TARBP1: variants seen among roughly 807,000 people sequenced by gnomAD.
TARBP1 encodes the protein tRNA guanosine 2 -O-methyltransferase TARBP1, also known as tRNA (guanosine(18)-2'-O)-methyltransferase TARBP1.
Under a neutral mutation model 178.6 loss-of-function variants are expected in TARBP1, and 144 were observed. The ratio of observed to expected loss-of-function variants is 0.81; its 90% CI spans 0.70 to 0.93. The LOEUF (loss-of-function observed/expected upper bound fraction) is 0.93. Among genes scored for constraint, TARBP1 ranks in the 40% least tolerant of loss-of-function variants. The probability of loss-of-function intolerance (pLI) is 0.00; values close to 1 mark genes in which losing one functional copy is unlikely to be tolerated. For missense variants in TARBP1, 2,067 were observed against 2,011.7 expected (o/e 1.03, Z -0.53); for synonymous variants, 787 against 781.0 (o/e 1.01, Z -0.13).
chr1:234,392,547 T>G lies in TARBP1; in HGVS notation c.4566A>C (p.Lys1522Asn), dbSNP rs1446460086. 6.2e-7 allele frequency: 1 copy of G among 1,613,720 alleles called. No individual in the cohort carries two copies. The highest frequency in any genetic ancestry group is 8.5e-7 in the Non-Finnish European group (1 of 1,179,786). ...AEQWLPLVEV[K>N]PPQLIDYLQQ... is the part of the protein sequence containing the mutation. ...GCAGATAATCAATTAGCTGAGGTGG[T>G]TTTACCTGAATATTAGTTTAAAAAG... Residue 1522 changes from lysine to asparagine, a missense_variant, in exon 29 of 30, where the codon AAA (lysine) becomes AAC (asparagine). Coordinates refer to ENST00000040877, the MANE Select transcript of TARBP1 (RefSeq NM_005646.4).
chr1:234,408,903 C>T (rs1323058524), intron 23 of TARBP1, among the ~76,000 whole-genome samples: 2 of 152,168 alleles, frequency 1.3e-5, no homozygotes, highest in African/African-American at 2.4e-5. Context: ...GTGTAGGCGG[C>T]GGAAGAGGTG....
In TARBP1 at chr1:234,393,377, C is replaced by T. The variant is rs1032835434; in HGVS notation, c.4545G>A (p.Trp1515Ter). 6.4e-7 allele frequency: 1 copy of T among 1,566,558 alleles called. No homozygotes were observed. The highest frequency in any genetic ancestry group is 1.2e-5 in the South Asian group (1 of 84,000). ...TTCCACCCACCTCCACTAGAGGAAG[C>T]CACTGTTCTGCAGAGACACTGAGGT... ...FQHLSVSAEQ[W>*]LPLVEVKPPQ... is the part of the protein sequence containing the mutation. Residue 1515 changes from tryptophan to a stop codon, truncating the protein, a stop_gained, in exon 28 of 30, where the codon TGG (tryptophan) becomes TGA (stop). Coordinates refer to ENST00000040877, the MANE Select transcript of TARBP1 (RefSeq NM_005646.4). LOFTEE classifies it high-confidence loss of function.
At position 234,478,489 on chromosome 1, in the gene TARBP1, C is replaced by G. The variant is rs1467277028; in HGVS notation, c.615G>C (p.Ala205=). The change falls in exon 1 of 30, where the codon GCG becomes GCC. Residue 205 remains alanine (A), a synonymous_variant. Coordinates refer to ENST00000040877, the MANE Select transcript of TARBP1 (RefSeq NM_005646.4). The part of the protein sequence containing the change: ...LLPVLVQCGG[A]ALRAVWGGLA... ...GCCCGCCCCACACGGCCCGCAGCGC[C>G]GCCCCGCCACATTGGACCAGCACTG... The G allele has an allele frequency of 2.1e-5, 29 of 1,384,402 alleles. No homozygotes were observed. The highest frequency in any genetic ancestry group is 2.8e-5 in the Admixed American group (1 of 35,672). The allele number at this position is 1,384,402 out of a possible 1,614,324, so 85.8% of individuals were successfully genotyped here.
At chr1:234,435,698 G>GTT (rs1035493133) in intron 13 of TARBP1, among the ~76,000 whole-genome samples, 1 of 152,174 alleles carries the variant, frequency 6.6e-6, no homozygotes, top group African/African-American at 2.4e-5. Flanking sequence ...AGCATATAGC[G>GTT]TAAGTCCATA....
intron 12 of TARBP1, 122 bp downstream of exon 12, chr1:234,446,681 A>G (rs1159548644): frequency 4.7e-6 from 2 of 424,270 alleles, no homozygotes; most frequent in Non-Finnish European, 3.5e-6. Context: ...TTAAATATAT[A>G]TAATTTCTAA....
intron 2 of TARBP1, 135 bp downstream of exon 2, chr1:234,472,579 A>G: frequency 3.4e-6 from 2 of 583,754 alleles, no homozygotes; most frequent in Non-Finnish European, 2.9e-6. Context: ...TTTATGCCAG[A>G]CAACAAAGTA....
chr1:234,465,069 CGGATGGATGGAT>C lies in TARBP1; in HGVS notation c.1301+575_1301+586del, dbSNP rs34607418. On this transcript the variant is annotated intron_variant, in intron 5 of 29. Transcript: ENST00000040877. ...TTCTTAATATGGATGGATGGATGAACGGATGGATGGATGGATGGATGGATGGATGGATGGCGG... is the reference window on the plus strand; with the variant it reads ...TTCTTAATATGGATGGATGGATGAACGGATGGATGGATGGATGGATGGCGG... Among the ~76,000 whole-genome samples, 83 of 150,772 alleles carry C rather than the reference CGGATGGATGGAT, an allele frequency of 5.5e-4. 1 individual carries two copies. Among genetic ancestry groups the C allele is most frequent in the African/African-American group, 1.6e-3 (64 of 40,994 alleles).
chr1:234,391,518 C>A lies in TARBP1; in HGVS notation c.*59G>T. 3 of 1,492,384 alleles carry A rather than the reference C, an allele frequency of 2.0e-6. No individual in the cohort carries two copies. Among genetic ancestry groups the A allele is most frequent in the Non-Finnish European group, 2.7e-6 (3 of 1,113,232 alleles). 92.4% of individuals were successfully genotyped at this position (1,492,384 alleles called of 1,614,324 possible). A position where few individuals can be genotyped will look rare whatever the true frequency, so the allele number is the denominator to read the frequency against. On this transcript the variant is annotated 3_prime_UTR_variant, in exon 30 of 30. Transcript: ENST00000040877. ...AAATTTCAGAATCTGTTTCTTTAGT[C>A]CAAATAGTTTTTTTTAAAAAAGTCT...
In TARBP1 at chr1:234,391,669, T is replaced by C. The variant is rs1426843103; in HGVS notation, c.4774A>G (p.Ile1592Val). ...VCVEIPQQGI[I>V]RSLNVHVSGA... The stretch of plus-strand genomic sequence containing the variant: ...CTCACATGGACATTCAGGGAGCGGA[T>C]AATGCCCTGTTGAGGAATTTCCACA... Residue 1592 changes from isoleucine to valine, a missense_variant, in exon 30 of 30, where the codon ATC (isoleucine) becomes GTC (valine). Physicochemically the swap from Ile to Val is conservative, Grantham distance 29. Transcript: ENST00000040877. 3 of 1,613,816 alleles carry C rather than the reference T, an allele frequency of 1.9e-6. No homozygotes were observed. The highest frequency in any genetic ancestry group is 2.5e-6 in the Non-Finnish European group (3 of 1,180,020).
intron 13 of TARBP1, among the ~76,000 whole-genome samples, chr1:234,436,408 T>C (rs1392634143): frequency 6.6e-6 from 1 of 152,204 alleles, no homozygotes; most frequent in Non-Finnish European, 1.5e-5. Flanking sequence ...TTCCTAAAAA[T>C]GTAGGTGTAC....
Position 234,478,145 on chromosome 1 carries a change from C to G in TARBP1, c.931+28G>C, listed in dbSNP as rs759567124. ...CTCTGGGGCAGCCAAGTAGGTAGCA[C>G]TAGGCTGGGGGGCAAAGAGGCAGGT... On this transcript the variant is annotated intron_variant, in intron 1 of 29. Coordinates refer to ENST00000040877, the MANE Select transcript of TARBP1 (RefSeq NM_005646.4). The G allele has an allele frequency of 2.5e-6, 4 of 1,605,428 alleles. No homozygotes were observed. In the African/African-American group the frequency reaches 4.0e-5, roughly 16 times the overall value.
At chr1:234,439,594 G>A (rs1199957749) in intron 12 of TARBP1, among the ~76,000 whole-genome samples, 10 of 152,206 alleles carry the variant, frequency 6.6e-5, no homozygotes, top group Admixed American at 6.5e-4. Flanking sequence ...GGGAGGCCAA[G>A]GTGGTTGAAT....
In TARBP1 at chr1:234,398,446, C is replaced by A. The variant is rs751276448; in HGVS notation, c.4179G>T (p.Gln1393His). 6.2e-7 allele frequency: 1 copy of A among 1,611,968 alleles called. No individual in the cohort carries two copies. The highest frequency in any genetic ancestry group is 8.5e-7 in the Non-Finnish European group (1 of 1,178,716). The change falls in exon 26 of 30, where the codon CAG (glutamine) becomes CAT (histidine). Residue 1393 changes from glutamine (Q) to histidine (H), a missense_variant. Coordinates refer to ENST00000040877, the MANE Select transcript of TARBP1 (RefSeq NM_005646.4). ...FTDVPLAAGF[Q>H]WYLSQTQLSK... ...TAAGTTGAGTTTGAGAAAGGTACCA[C>A]TGAAATCCCGCAGCTAAAGGAACAT...
chr1:234,391,655 A>G lies in TARBP1; in HGVS notation c.4788T>C (p.Asn1596=), dbSNP rs2103023877. The G allele has an allele frequency of 9.9e-6, 16 of 1,613,770 alleles. No homozygotes were observed. Among genetic ancestry groups the G allele is most frequent in the Non-Finnish European group, 1.4e-5 (16 of 1,180,026 alleles). Residue 1596 remains asparagine (N), a synonymous_variant, in exon 30 of 30, where the codon AAT becomes AAC. Transcript: ENST00000040877. ...IPQQGIIRSL[N]VHVSGALLIW... ...TCAGCAGGGCTCCACTCACATGGAC[A>G]TTCAGGGAGCGGATAATGCCCTGTT...
rs1390311335 is a variant in TARBP1 at position 234,400,863 on chromosome 1, G to A, written c.4071+318C>T. The stretch of plus-strand genomic sequence containing the variant: ...ACAATGAAATCTCACCTGCACAAAT[G>A]TTCTCACTCATTTCCTTTTAATGTC... On this transcript the variant is annotated intron_variant, in intron 25 of 29. Coordinates refer to ENST00000040877, the MANE Select transcript of TARBP1 (RefSeq NM_005646.4). 3.0e-5 allele frequency: 6 copies of A among 197,418 alleles called. No individual in the cohort carries two copies. In the East Asian group the frequency reaches 8.2e-4, roughly 27 times the overall value. 12.2% of individuals were successfully genotyped at this position (197,418 alleles called of 1,614,324 possible).
chr1:234,410,782 T>C (rs1661727621), intron 22 of TARBP1, among the ~76,000 whole-genome samples: 1 of 152,178 alleles, frequency 6.6e-6, no homozygotes, highest in Non-Finnish European at 1.5e-5. Flanking sequence ...ATAACTCAAC[T>C]CTAAGTACAG....
intron 22 of TARBP1, among the ~76,000 whole-genome samples, chr1:234,412,456 A>G (rs1255081409): frequency 6.6e-6 from 1 of 150,612 alleles, no homozygotes; most frequent in African/African-American, 2.4e-5. Context: ...GGCCAGGTGC[A>G]GTGGCTCATG....
At position 234,478,532 on chromosome 1, in the gene TARBP1, AC is replaced by A; in HGVS notation, c.571del (p.Val191TrpfsTer36). 7.3e-7 allele frequency: 1 copy of A among 1,368,462 alleles called. No individual in the cohort carries two copies. Among genetic ancestry groups the A allele is most frequent in the Non-Finnish European group, 9.5e-7 (1 of 1,057,806 alleles). 84.8% of individuals were successfully genotyped at this position (1,368,462 alleles called of 1,614,324 possible). On this transcript the variant is annotated frameshift_variant, in exon 1 of 30. Coordinates refer to ENST00000040877, the MANE Select transcript of TARBP1 (RefSeq NM_005646.4). LOFTEE classifies it high-confidence loss of function. The stretch of plus-strand genomic sequence containing the variant: ...CAGCACTGGCAGCAGTCGCCCGGCC[AC>A]CAGCGCCGCCGCGTCCTCGGCAGGC... ...AGPAEDAAAL[V>X]AGRLLPVLVQ...
At chr1:234,437,864 C>A (rs905296229) in intron 12 of TARBP1, among the ~76,000 whole-genome samples, 2 of 152,190 alleles carry the variant, frequency 1.3e-5, no homozygotes, top group African/African-American at 2.4e-5. Flanking sequence ...TACTGGATTG[C>A]AGACAGGGAG....
Sources: allele counts gnomAD v4.1 joint callset (sites outside exome capture counted in the v4.1 genomes callset), GRCh38; gene constraint gnomAD v4.1.1; transcripts MANE v1.5; gene names NCBI Gene and HGNC (gene_info 2026-07-23, HGNC 2026-07-21).